Variants in HSPA14 observed in about 807,000 individuals in gnomAD.
HSPA14 encodes heat shock 70 kDa protein 14.
A neutral mutation model predicts 65.5 loss-of-function variants in HSPA14; 37 were observed. The observed-to-expected ratio is 0.56, with a 90% CI of 0.43 to 0.74. HSPA14 has a LOEUF of 0.74. Among genes scored for constraint, HSPA14 ranks in the 30% least tolerant of loss-of-function variants. HSPA14 has a pLI of 0.00. For synonymous variants in HSPA14, 203 were observed against 214.2 expected (o/e 0.95, Z 0.46); for missense variants, 564 against 607.6 (o/e 0.93, Z 0.75).
chr10:14,866,747 A>G (rs1409604021), intron 10 of HSPA14, among the ~76,000 whole-genome samples: 1 of 152,132 alleles, frequency 6.6e-6, no homozygotes, highest in Non-Finnish European at 1.5e-5. Context: ...AGTACAAAAT[A>G]TTGATATATT....
chr10:14,844,137 G>A, intron 3 of HSPA14: 1 of 1,325,756 alleles, frequency 7.5e-7, no homozygotes, highest in Non-Finnish European at 9.7e-7. Context: ...TAGACAGCTG[G>A]TTCATCCTAG....
intron 10 of HSPA14, among the ~76,000 whole-genome samples, chr10:14,863,939 C>T (rs1160475685): frequency 2.6e-5 from 4 of 151,906 alleles, no homozygotes; most frequent in Non-Finnish European, 4.4e-5. Context: ...CCTCCCCCTC[C>T]CACCAAAATG....
chr10:14,856,131 T>A (rs1564323879), intron 10 of HSPA14, among the ~76,000 whole-genome samples, 188 bp downstream of exon 10: 1 of 152,234 alleles, frequency 6.6e-6, no homozygotes, highest in African/African-American at 2.4e-5. Context: ...ATATATTCAG[T>A]TTCCTAGCAA....
At chr10:14,838,660 C>T (rs1833925416) in intron 1 of HSPA14, 2 of 532,894 alleles carry the variant, frequency 3.8e-6, no homozygotes, top group Non-Finnish European at 3.3e-6. Flanking sequence ...GTCTACTCCG[C>T]GGCGGAGGCT....
chr10:14,863,275 C>G (rs1351480904), intron 10 of HSPA14, among the ~76,000 whole-genome samples: 1 of 152,100 alleles, frequency 6.6e-6, no homozygotes, highest in Non-Finnish European at 1.5e-5. Context: ...TGACCTATAT[C>G]GTCTGAACAA....
At chr10:14,852,868 T>C (rs1160984140) in intron 8 of HSPA14, among the ~76,000 whole-genome samples, 1 of 152,246 alleles carries the variant, frequency 6.6e-6, no homozygotes, top group East Asian at 1.9e-4. Context: ...CATTGCCTTC[T>C]GAACAGTTTT....
chr10:14,870,850 C>G lies in HSPA14; in HGVS notation c.1451+183C>G, dbSNP rs149598691. ...ATATTTTACAAAGAAAAGTATATCT[C>G]AAGTCATTTGCATCTTGAATATTTT... On this transcript the variant is annotated intron_variant, in intron 13 of 13. Coordinates refer to ENST00000378372, the MANE Select transcript of HSPA14 (RefSeq NM_016299.4). Among the ~76,000 whole-genome samples the G allele has an allele frequency of 3.8e-3, 573 of 152,174 alleles. 4 individuals are homozygous for G. The highest frequency in any genetic ancestry group is 0.011 in the African/African-American group (455 of 41,532).
chr10:14,863,202 T>A (rs747479916), intron 10 of HSPA14, among the ~76,000 whole-genome samples: 1 of 151,960 alleles, frequency 6.6e-6, no homozygotes, highest in East Asian at 1.9e-4. Flanking sequence ...AATTTATAAT[T>A]TTTATATTAT....
chr10:14,848,681 T>A (rs1412694332), intron 4 of HSPA14, 24 bp downstream of exon 4: 1 of 1,589,626 alleles, frequency 6.3e-7, no homozygotes, highest in Non-Finnish European at 8.6e-7. Context: ...TGTTATTGCT[T>A]CCCTGTTACA....
intron 3 of HSPA14, chr10:14,844,102 A>C (rs944693902): frequency 7.2e-7 from 1 of 1,392,500 alleles, no homozygotes; most frequent in African/African-American, 1.5e-5. Flanking sequence ...GGGGTGACCT[A>C]ATAGAAAACG....
intron 12 of HSPA14, among the ~76,000 whole-genome samples, chr10:14,870,183 A>T (rs1832842286): frequency 6.6e-6 from 1 of 151,352 alleles, no homozygotes; most frequent in East Asian, 1.9e-4. Flanking sequence ...TGATTTTCCA[A>T]ATGTATTTAA....
chr10:14,867,016 T>C, intron 10 of HSPA14, 67 bp from the exon 11 acceptor site: 1 of 1,154,250 alleles, frequency 8.7e-7, no homozygotes, highest in Non-Finnish European at 1.3e-6. Context: ...CTCAGTCTAT[T>C]ACACTTAATT....
At chr10:14,871,474 T>C (rs1475206379) in intron 13 of HSPA14, 54 bp from the exon 14 acceptor site, 2 of 1,039,984 alleles carry the variant, frequency 1.9e-6, no homozygotes, top group Non-Finnish European at 2.9e-6. Context: ...TTACAGACTT[T>C]ATGTTTTTAT....
chr10:14,851,355 T>A, intron 7 of HSPA14, 32 bp downstream of exon 7: 1 of 1,210,950 alleles, frequency 8.3e-7, no homozygotes, highest in Non-Finnish European at 1.2e-6. Context: ...TTAGGTTTTT[T>A]GAGTGCAGAA....
chr10:14,859,382 C>T (rs1201726915), intron 10 of HSPA14, among the ~76,000 whole-genome samples: 1 of 152,228 alleles, frequency 6.6e-6, no homozygotes, highest in African/African-American at 2.4e-5. Flanking sequence ...TGCCTCTTTT[C>T]GGCTATCTCA....
At chr10:14,871,489 T>G in intron 13 of HSPA14, 39 bp from the exon 14 acceptor site, 72 of 1,153,512 alleles carry the variant, frequency 6.2e-5, no homozygotes, top group Middle Eastern at 1.9e-4. Context: ...TTTTATAAAA[T>G]GAGCTTGTGC....
intron 3 of HSPA14, chr10:14,844,220 A>C: frequency 1.8e-6 from 2 of 1,101,166 alleles, no homozygotes; most frequent in Non-Finnish European, 2.3e-6. Flanking sequence ...ATCAATAATA[A>C]CTCCTGCCCT....
chr10:14,846,090 GAACTTC>G, intron 3 of HSPA14: 1 of 982,854 alleles, frequency 1.0e-6, no homozygotes, highest in Non-Finnish European at 1.2e-6. Context: ...ATATGCTCAT[GAACTTC>G]TAAGTGCCAC....
intron 6 of HSPA14, chr10:14,851,002 A>G (rs1834104611): frequency 2.5e-6 from 1 of 398,212 alleles, no homozygotes; most frequent in Non-Finnish European, 4.5e-6. Context: ...CTTTGTGAAG[A>G]ATATGGGCTC....
Sources: allele counts gnomAD v4.1 joint callset (sites outside exome capture counted in the v4.1 genomes callset), GRCh38; gene constraint gnomAD v4.1.1; transcripts MANE v1.5; gene names NCBI Gene and HGNC (gene_info 2026-07-23, HGNC 2026-07-21).